CSMD1: variants seen among roughly 807,000 people sequenced by gnomAD.
CSMD1 encodes CUB and Sushi multiple domains 1.
CSMD1 carries 213 observed loss-of-function variants against 417.5 expected under a neutral mutation model. The ratio of observed to expected loss-of-function variants is 0.51; its 90% CI spans 0.46 to 0.57. CSMD1 has a LOEUF of 0.57. Ranked by LOEUF, CSMD1 falls within the 20% of genes least tolerant of loss-of-function variation. CSMD1 has a pLI of 0.00. For missense variants in CSMD1, 6,923 were observed against 4,529.7 expected (o/e 1.53, Z -15.17); for synonymous variants, 2,862 against 1,736.8 (o/e 1.65, Z -16.11).
intron 5 of CSMD1, among the ~76,000 whole-genome samples, chr8:3,797,381 T>A (rs996867337): frequency 6.6e-6 from 1 of 152,010 alleles, no homozygotes; most frequent in African/African-American, 2.4e-5. Flanking sequence ...GATGCAGGCA[T>A]AAAACATTTT....
intron 7 of CSMD1, among the ~76,000 whole-genome samples, chr8:3,662,862 G>A (rs759110471): frequency 6.6e-6 from 1 of 152,056 alleles, no homozygotes; most frequent in African/African-American, 2.4e-5. Flanking sequence ...AGAGGGGGGA[G>A]AGCATTAGGA....
At chr8:3,468,864 A>G in intron 11 of CSMD1, 40 bp from the exon 12 acceptor site, 4 of 1,348,174 alleles carry the variant, frequency 3.0e-6, no homozygotes, top group Non-Finnish European at 4.1e-6. Flanking sequence ...AGGTAAGGCA[A>G]CAAGTACATC....
intron 1 of CSMD1, among the ~76,000 whole-genome samples, chr8:4,756,700 C>G (rs1811689965): frequency 6.6e-6 from 1 of 152,140 alleles, no homozygotes; most frequent in African/African-American, 2.4e-5. Context: ...AGTTTTCACC[C>G]CATGGTTCCA....
chr8:3,617,932 G>T (rs1345914626), intron 7 of CSMD1, among the ~76,000 whole-genome samples: 3 of 151,982 alleles, frequency 2.0e-5, no homozygotes, highest in Admixed American at 2.0e-4. Context: ...AATATGTCTG[G>T]GTATATGTGG....
At chr8:3,073,250 A>G (rs534869410) in intron 49 of CSMD1, among the ~76,000 whole-genome samples, 387 of 152,364 alleles carry the variant, frequency 2.5e-3, no homozygotes, top group African/African-American at 8.5e-3. Flanking sequence ...GCATGTAAAC[A>G]GAAAGAACAG....
intron 12 of CSMD1, among the ~76,000 whole-genome samples, chr8:3,423,983 G>C (rs1307053341): frequency 6.6e-6 from 1 of 152,088 alleles, no homozygotes; most frequent in Non-Finnish European, 1.5e-5. Context: ...CACAGTACCA[G>C]TTTTCTTTGT....
intron 1 of CSMD1, among the ~76,000 whole-genome samples, chr8:4,712,533 C>T (rs1808374841): frequency 6.6e-6 from 1 of 152,092 alleles, no homozygotes; most frequent in South Asian, 2.1e-4. Context: ...ATCCCTTTAT[C>T]AGAGCAAAGA....
chr8:4,324,246 G>C (rs1290079479), intron 3 of CSMD1, among the ~76,000 whole-genome samples: 2 of 152,192 alleles, frequency 1.3e-5, no homozygotes, highest in African/African-American at 2.4e-5. Flanking sequence ...CCTACACCAA[G>C]AATGTGAGTT....
intron 5 of CSMD1, among the ~76,000 whole-genome samples, chr8:3,991,506 G>A (rs1004569443): frequency 6.6e-6 from 1 of 152,236 alleles, no homozygotes; most frequent in East Asian, 1.9e-4. Context: ...CCAGAAATAT[G>A]CTCAACAAGC....
At chr8:4,312,865 A>C (rs1250337774) in intron 3 of CSMD1, among the ~76,000 whole-genome samples, 1 of 152,158 alleles carries the variant, frequency 6.6e-6, no homozygotes, top group Admixed American at 6.6e-5. Context: ...ACCCCATCTC[A>C]AAAACATTAA....
At chr8:4,731,198 T>C (rs1357614932) in intron 1 of CSMD1, among the ~76,000 whole-genome samples, 1 of 152,146 alleles carries the variant, frequency 6.6e-6, no homozygotes, top group Admixed American at 6.5e-5. Context: ...TCCACTACTG[T>C]TTGGAAGCGA....
chr8:3,147,502 C>G (rs148932981), intron 40 of CSMD1, among the ~76,000 whole-genome samples: 2,034 of 152,258 alleles, frequency 0.013, 16 homozygotes, highest in Middle Eastern at 0.071. Flanking sequence ...CGGGAAGATG[C>G]CAAATTCATT....
chr8:3,591,793 A>G (rs749434450), intron 8 of CSMD1, among the ~76,000 whole-genome samples: 8 of 121,464 alleles, frequency 6.6e-5, no homozygotes, highest in Non-Finnish European at 1.4e-4. Flanking sequence ...GGATAGATGG[A>G]AAGATGGAAA....
chr8:3,908,851 C>G (rs1472686628), intron 5 of CSMD1, among the ~76,000 whole-genome samples: 3 of 152,170 alleles, frequency 2.0e-5, no homozygotes, highest in Non-Finnish European at 4.4e-5. Flanking sequence ...TTTGACTTCT[C>G]AAATGTTACT....
At chr8:4,316,485 T>C (rs2128881601) in intron 3 of CSMD1, among the ~76,000 whole-genome samples, 1 of 152,278 alleles carries the variant, frequency 6.6e-6, no homozygotes, top group South Asian at 2.1e-4. Context: ...ACCTCAACGA[T>C]TTTTGCACCA....
At chr8:3,626,997 A>G (rs1322163243) in intron 7 of CSMD1, among the ~76,000 whole-genome samples, 1 of 151,978 alleles carries the variant, frequency 6.6e-6, no homozygotes, top group Non-Finnish European at 1.5e-5. Context: ...CGATATATAA[A>G]AGGAAATAAG....
chr8:3,915,607 C>T (rs2688324), intron 5 of CSMD1, among the ~76,000 whole-genome samples: 142,446 of 150,858 alleles, frequency 0.94, 67,369 homozygotes, highest in Middle Eastern at 1. Context: ...TACTGAAATA[C>T]TTGAAAAGCT....
At chr8:4,323,565 T>C (rs537931293) in intron 3 of CSMD1, among the ~76,000 whole-genome samples, 19 of 152,232 alleles carry the variant, frequency 1.2e-4, no homozygotes, top group Middle Eastern at 3.4e-3. Flanking sequence ...GGGTCATATA[T>C]CTGCTTTCCA....
At chr8:3,107,858 C>A in intron 44 of CSMD1, 60 bp from the exon 45 acceptor site, 1 of 1,071,364 alleles carries the variant, frequency 9.3e-7, no homozygotes, top group Non-Finnish European at 1.4e-6. Flanking sequence ...ATAAACACAA[C>A]TATTACAAAA....
Sources: allele counts gnomAD v4.1 joint callset (sites outside exome capture counted in the v4.1 genomes callset), GRCh38; gene constraint gnomAD v4.1.1; transcripts MANE v1.5; gene names NCBI Gene and HGNC (gene_info 2026-07-23, HGNC 2026-07-21).